Variants in NKAIN3 observed in about 807,000 individuals in gnomAD.
NKAIN3 encodes the protein sodium/potassium transporting ATPase interacting 3.
Under a neutral mutation model 30.2 loss-of-function variants are expected in NKAIN3, and 25 were observed. The observed-to-expected ratio is 0.83, with a 90% CI of 0.60 to 1.16. The LOEUF is 1.16. NKAIN3 is among the 50% of genes most tolerant of loss of function. NKAIN3 has a pLI of 0.00. For missense variants in NKAIN3, 225 were observed against 254.1 expected, an observed-to-expected ratio of 0.89 and a Z score of 0.78; for synonymous variants, 91 against 89.6, an observed-to-expected ratio of 1.02 and a Z score of -0.09.
At chr8:62,609,170 A>G (rs1586004494) in intron 3 of NKAIN3, among the ~76,000 whole-genome samples, 1 of 152,154 alleles carries the variant, frequency 6.6e-6, no homozygotes, top group South Asian at 2.1e-4. Flanking sequence ...TCACTAAATC[A>G]TCAAAAACCT....
intron 1 of NKAIN3, among the ~76,000 whole-genome samples, chr8:62,433,574 T>C (rs937041674): frequency 1.3e-5 from 2 of 152,090 alleles, no homozygotes; most frequent in Admixed American, 6.6e-5. Flanking sequence ...GAAATAGAAA[T>C]TTAGATATCT....
intron 4 of NKAIN3, among the ~76,000 whole-genome samples, chr8:62,817,763 C>T (rs1232878484): frequency 6.6e-6 from 1 of 152,142 alleles, no homozygotes; most frequent in Non-Finnish European, 1.5e-5. Flanking sequence ...TGAGCCTGTC[C>T]TTAGTATTTT....
At chr8:62,598,269 A>G (rs534630065) in intron 3 of NKAIN3, among the ~76,000 whole-genome samples, 6 of 152,150 alleles carry the variant, frequency 3.9e-5, no homozygotes, top group South Asian at 2.1e-4. Context: ...TGGGTCTTTT[A>G]TGTGGCAGAA....
In NKAIN3 at chr8:62,342,357, G is replaced by A. The variant is rs190563997; in HGVS notation, c.54+93230G>A. 2.6e-3 allele frequency among the ~76,000 whole-genome samples: 393 copies of A among 152,114 alleles called. 1 individual carries two copies. The highest frequency in any genetic ancestry group is 9.0e-3 in the African/African-American group (374 of 41,532). ...TTATTTTATTGGCACTCAGAGCTGT[G>A]CAGAGTCCTGATGGAAATGTCTATA... On this transcript the variant is annotated intron_variant, in intron 1 of 6. Transcript: ENST00000623646.
chr8:62,446,307 A>G (rs538256558), intron 1 of NKAIN3, among the ~76,000 whole-genome samples: 10 of 152,276 alleles, frequency 6.6e-5, no homozygotes, highest in African/African-American at 2.4e-4. Flanking sequence ...TTAAAATTCC[A>G]TATGATATAT....
chr8:62,666,999 A>G (rs967535645), intron 3 of NKAIN3, among the ~76,000 whole-genome samples: 3 of 152,084 alleles, frequency 2.0e-5, no homozygotes, highest in African/African-American at 7.2e-5. Context: ...ATCAAAGGTC[A>G]AGTACTGTGT....
At chr8:62,618,162 C>T (rs2130215373) in intron 3 of NKAIN3, among the ~76,000 whole-genome samples, 1 of 152,326 alleles carries the variant, frequency 6.6e-6, no homozygotes, top group South Asian at 2.1e-4. Flanking sequence ...GCTCAACTCA[C>T]ATTCCCCATT....
intron 4 of NKAIN3, chr8:62,856,040 C>T (rs1820050468): frequency 1.5e-6 from 1 of 685,834 alleles, no homozygotes; most frequent in Non-Finnish European, 2.7e-6. Context: ...GATGGTGCTT[C>T]TTCAGCATTA....
intron 1 of NKAIN3, among the ~76,000 whole-genome samples, chr8:62,395,339 C>G (rs1247030537): frequency 6.6e-6 from 1 of 152,040 alleles, no homozygotes; most frequent in Admixed American, 6.5e-5. Flanking sequence ...CAGAGGCGAC[C>G]CTCACTTCCC....
chr8:62,741,870 A>C (rs1341539515), intron 3 of NKAIN3, among the ~76,000 whole-genome samples: 1 of 152,080 alleles, frequency 6.6e-6, no homozygotes, highest in Non-Finnish European at 1.5e-5. Flanking sequence ...CCTTCCCTAC[A>C]ACCTTAACAT....
intron 3 of NKAIN3, among the ~76,000 whole-genome samples, chr8:62,664,655 C>T (rs567330854): frequency 1.3e-5 from 2 of 152,140 alleles, no homozygotes; most frequent in Non-Finnish European, 2.9e-5. Context: ...TCCCCTTTTC[C>T]TGTATTTTAA....
intron 4 of NKAIN3, among the ~76,000 whole-genome samples, chr8:62,793,546 T>C (rs770650670): frequency 6.6e-6 from 1 of 152,108 alleles, no homozygotes; most frequent in Non-Finnish European, 1.5e-5. Context: ...GAGCTGGTTG[T>C]CCCTCTTTAA....
intron 3 of NKAIN3, among the ~76,000 whole-genome samples, chr8:62,700,932 G>A (rs1814312885): frequency 6.6e-6 from 1 of 151,998 alleles, no homozygotes; most frequent in African/African-American, 2.4e-5. Context: ...GGTGCTCTTG[G>A]CCAGAAACAA....
intron 4 of NKAIN3, among the ~76,000 whole-genome samples, chr8:62,854,232 G>A (rs994646563): frequency 1.3e-5 from 2 of 152,162 alleles, no homozygotes; most frequent in Admixed American, 1.3e-4. Flanking sequence ...ATCCAGAGCT[G>A]AGTTCAGGCC....
intron 1 of NKAIN3, among the ~76,000 whole-genome samples, chr8:62,322,021 G>A (rs750267388): frequency 1.2e-4 from 18 of 152,038 alleles, no homozygotes; most frequent in Non-Finnish European, 2.4e-4. Flanking sequence ...CTCAAGCCTC[G>A]GCAATGGCCG....
chr8:62,408,922 A>G (rs1209216483), intron 1 of NKAIN3, among the ~76,000 whole-genome samples: 3 of 152,184 alleles, frequency 2.0e-5, no homozygotes, highest in Admixed American at 2.0e-4. Flanking sequence ...TGGGAGATGT[A>G]GTGTTTATTT....
chr8:62,556,896 A>G (rs1809414753), intron 1 of NKAIN3, among the ~76,000 whole-genome samples: 1 of 152,074 alleles, frequency 6.6e-6, no homozygotes, highest in Non-Finnish European at 1.5e-5. Flanking sequence ...AGTATGTAAA[A>G]GATATATTTA....
At chr8:62,651,234 T>C (rs1172091140) in intron 3 of NKAIN3, among the ~76,000 whole-genome samples, 1 of 152,184 alleles carries the variant, frequency 6.6e-6, no homozygotes, top group African/African-American at 2.4e-5. Flanking sequence ...ATTCAACTTA[T>C]AGTTTAATTT....
intron 4 of NKAIN3, among the ~76,000 whole-genome samples, chr8:62,881,963 T>C (rs900693330): frequency 6.6e-6 from 1 of 152,234 alleles, no homozygotes; most frequent in Non-Finnish European, 1.5e-5. Context: ...TGTAATGGTA[T>C]CCCATCGTTG....
Sources: gnomAD v4.1 joint callset for allele counts (sites outside exome capture counted in the v4.1 genomes callset) on GRCh38, gnomAD v4.1.1 for gene constraint, MANE v1.5 for transcripts, NCBI Gene and HGNC (gene_info 2026-07-23, HGNC 2026-07-21) for gene names.